Variants in SLCO3A1 observed in about 807,000 individuals in gnomAD.
SLCO3A1 encodes PGE1 transporter.
Under a neutral mutation model 63.1 loss-of-function variants are expected in SLCO3A1, and 27 were observed. That is an observed-to-expected ratio of 0.43 (90% CI 0.32 to 0.59). The LOEUF is 0.59. SLCO3A1 is among the 20% of genes least tolerant of loss of function. SLCO3A1 has a pLI of 0.09. For missense variants in SLCO3A1, 773 were observed against 945.8 expected, an observed-to-expected ratio of 0.82 and a Z score of 2.40; for synonymous variants, 473 against 409.9, an observed-to-expected ratio of 1.15 and a Z score of -1.86.
At chr15:91,901,809 T>G (rs2151368506) in intron 1 of SLCO3A1, among the ~76,000 whole-genome samples, 1 of 152,298 alleles carries the variant, frequency 6.6e-6, no homozygotes, top group African/African-American at 2.4e-5. Context: ...GGGGATCTTT[T>G]TGTGTTTGTT....
chr15:92,082,583 C>A (rs895190455), intron 2 of SLCO3A1, among the ~76,000 whole-genome samples: 10 of 152,192 alleles, frequency 6.6e-5, no homozygotes, highest in Admixed American at 3.3e-4. Context: ...ATGCACGCCC[C>A]CATTCTTGGA....
At chr15:92,125,581 C>T (rs553646057) in intron 5 of SLCO3A1, among the ~76,000 whole-genome samples, 9 of 152,200 alleles carry the variant, frequency 5.9e-5, no homozygotes, top group East Asian at 5.8e-4. Flanking sequence ...AAACAGCCTC[C>T]GTACTTTCCG....
At chr15:91,987,343 T>C (rs547082190) in intron 2 of SLCO3A1, among the ~76,000 whole-genome samples, 25 of 152,308 alleles carry the variant, frequency 1.6e-4, no homozygotes, top group African/African-American at 5.5e-4. Context: ...ACACCTATCA[T>C]GTGTCAGGTG....
chr15:92,170,734 A>T (rs1040604961), downstream of SLCO3A1: 2 of 152,234 alleles, frequency 1.3e-5, no homozygotes, highest in African/African-American at 4.8e-5. Context: ...TGGGCACAGG[A>T]ATCTAGGTTT....
At chr15:92,061,657 C>G (rs1477415539) in intron 2 of SLCO3A1, among the ~76,000 whole-genome samples, 1 of 152,142 alleles carries the variant, frequency 6.6e-6, no homozygotes, top group Non-Finnish European at 1.5e-5. Flanking sequence ...TCCATCCCCA[C>G]TGGCCACCGT....
intron 2 of SLCO3A1, among the ~76,000 whole-genome samples, chr15:92,089,429 A>T (rs2047445674): frequency 6.6e-6 from 1 of 152,174 alleles, no homozygotes; most frequent in Non-Finnish European, 1.5e-5. Context: ...ATGTACTCTC[A>T]TCTTGGTACT....
At chr15:92,101,110 C>G (rs773700475) in intron 3 of SLCO3A1, among the ~76,000 whole-genome samples, 2 of 152,174 alleles carry the variant, frequency 1.3e-5, no homozygotes, top group African/African-American at 2.4e-5. Flanking sequence ...AGAACTCTCC[C>G]TCAATATCCC....
chr15:92,146,166 T>C (rs1354996590), intron 7 of SLCO3A1, among the ~76,000 whole-genome samples: 1 of 152,162 alleles, frequency 6.6e-6, no homozygotes, highest in Non-Finnish European at 1.5e-5. Flanking sequence ...TATGGAACCT[T>C]AATTGGCTTG....
chr15:92,065,691 G>C (rs1243471912), intron 2 of SLCO3A1, among the ~76,000 whole-genome samples: 1 of 152,070 alleles, frequency 6.6e-6, no homozygotes, highest in Non-Finnish European at 1.5e-5. Flanking sequence ...CTCTTTTCAA[G>C]AAATCATGTT....
At chr15:92,055,744 T>G (rs946499148) in intron 2 of SLCO3A1, among the ~76,000 whole-genome samples, 1 of 152,176 alleles carries the variant, frequency 6.6e-6, no homozygotes, top group Admixed American at 6.5e-5. Flanking sequence ...GGCCCCTTCT[T>G]TAGCCAGCAT....
chr15:92,158,908 C>T (rs549237001), intron 9 of SLCO3A1, among the ~76,000 whole-genome samples: 48 of 152,266 alleles, frequency 3.2e-4, no homozygotes, highest in African/African-American at 1.1e-3. Flanking sequence ...TTTCACTATT[C>T]AGAAGTATAA....
intron 9 of SLCO3A1, among the ~76,000 whole-genome samples, chr15:92,153,792 G>T (rs1284889484): frequency 1.3e-5 from 2 of 152,144 alleles, no homozygotes; most frequent in African/African-American, 4.8e-5. Flanking sequence ...GACTTACGGG[G>T]TAAAAGCCCG....
intron 7 of SLCO3A1, among the ~76,000 whole-genome samples, chr15:92,130,260 G>A (rs1242451998): frequency 6.6e-6 from 1 of 152,250 alleles, no homozygotes; most frequent in African/African-American, 2.4e-5. Context: ...TCCCACTGCT[G>A]AAACAGCGAA....
At chr15:91,977,347 G>C (rs1175165264) in intron 2 of SLCO3A1, among the ~76,000 whole-genome samples, 3 of 152,164 alleles carry the variant, frequency 2.0e-5, no homozygotes, top group Non-Finnish European at 4.4e-5. Context: ...AAGCGAAGGA[G>C]CTGTCTGAGG....
At chr15:92,115,654 C>A (rs893207331) in intron 4 of SLCO3A1, among the ~76,000 whole-genome samples, 2 of 151,822 alleles carry the variant, frequency 1.3e-5, no homozygotes, top group African/African-American at 4.8e-5. Context: ...AGAATTCAAT[C>A]CTGATTACCT....
chr15:92,045,576 T>C (rs1165023716), intron 2 of SLCO3A1, among the ~76,000 whole-genome samples: 2 of 152,210 alleles, frequency 1.3e-5, no homozygotes, highest in African/African-American at 4.8e-5. Context: ...TAATAGCCTT[T>C]CATACAGATG....
intron 2 of SLCO3A1, among the ~76,000 whole-genome samples, chr15:91,957,160 T>TATACTATATATTATATATATAC (rs1491136521): frequency 8.7e-5 from 1 of 11,486 alleles, no homozygotes; most frequent in Non-Finnish European, 1.2e-4. Context: ...TATATATATA[T>TATACTATATATTATATATATAC]TTTTTTTTTT....
At chr15:92,160,399 G>C (rs966031328) in intron 9 of SLCO3A1, among the ~76,000 whole-genome samples, 3 of 152,080 alleles carry the variant, frequency 2.0e-5, no homozygotes, top group Non-Finnish European at 4.4e-5. Flanking sequence ...AATGAAAAAA[G>C]GCACTTGTTA....
At chr15:92,036,747 G>C (rs1411738209) in intron 2 of SLCO3A1, among the ~76,000 whole-genome samples, 5 of 152,166 alleles carry the variant, frequency 3.3e-5, no homozygotes, top group Non-Finnish European at 5.9e-5. Context: ...TTGTGACTTT[G>C]TAGGTTCTTA....
Sources: allele counts gnomAD v4.1 joint callset (sites outside exome capture counted in the v4.1 genomes callset), GRCh38; gene constraint gnomAD v4.1.1; transcripts MANE v1.5; gene names NCBI Gene and HGNC (gene_info 2026-07-23, HGNC 2026-07-21).